CSMD1: variants seen among roughly 807,000 people sequenced by gnomAD.
CSMD1 encodes the protein CUB and sushi domain-containing protein 1.
Under a neutral mutation model 417.5 loss-of-function variants are expected in CSMD1, and 213 were observed. The ratio of observed to expected loss-of-function variants is 0.51; its 90% CI spans 0.46 to 0.57. The LOEUF is 0.57. CSMD1 is among the 20% of genes least tolerant of loss of function. The probability of loss-of-function intolerance (pLI) is 0.00; values close to 1 mark genes in which losing one functional copy is unlikely to be tolerated. For missense variants in CSMD1, 6,923 were observed against 4,529.7 expected, an observed-to-expected ratio of 1.53 and a Z score of -15.17; for synonymous variants, 2,862 against 1,736.8, an observed-to-expected ratio of 1.65 and a Z score of -16.11.
At chr8:4,484,921 C>T (rs746642437) in intron 2 of CSMD1, among the ~76,000 whole-genome samples, 9 of 130,900 alleles carry the variant, frequency 6.9e-5, no homozygotes, top group Admixed American at 4.8e-4. Context: ...TGCAGTGAGC[C>T]GAGATCGTGC....
chr8:3,682,633 GT>G (rs1563268585), intron 7 of CSMD1, among the ~76,000 whole-genome samples: 1 of 152,152 alleles, frequency 6.6e-6, no homozygotes, highest in African/African-American at 2.4e-5. Flanking sequence ...AGACAGTGTG[GT>G]GATTCCTCAG....
At chr8:4,087,398 T>C (rs1800475587) in intron 3 of CSMD1, among the ~76,000 whole-genome samples, 1 of 152,246 alleles carries the variant, frequency 6.6e-6, no homozygotes, top group Non-Finnish European at 1.5e-5. Flanking sequence ...ATAGCTGTTC[T>C]TGCATTTTGA....
At chr8:4,572,340 T>A (rs1321028819) in intron 2 of CSMD1, among the ~76,000 whole-genome samples, 1 of 152,210 alleles carries the variant, frequency 6.6e-6, no homozygotes, top group African/African-American at 2.4e-5. Context: ...AGAATTTGCT[T>A]TTCTATGGAG....
At chr8:3,428,405 A>G (rs1386819264) in intron 12 of CSMD1, among the ~76,000 whole-genome samples, 1 of 152,216 alleles carries the variant, frequency 6.6e-6, no homozygotes, top group Non-Finnish European at 1.5e-5. Flanking sequence ...GCTGGGCTTT[A>G]AAGAAATGGC....
intron 5 of CSMD1, among the ~76,000 whole-genome samples, chr8:3,861,924 G>A (rs1264981418): frequency 6.6e-6 from 1 of 152,040 alleles, no homozygotes; most frequent in African/African-American, 2.4e-5. Context: ...GGATTTCCTT[G>A]CTCCTGGAAA....
At chr8:3,848,163 G>T (rs1181724354) in intron 5 of CSMD1, among the ~76,000 whole-genome samples, 1 of 151,970 alleles carries the variant, frequency 6.6e-6, no homozygotes, top group Non-Finnish European at 1.5e-5. Flanking sequence ...TGGATGAGAA[G>T]TTGGCATTTT....
chr8:3,399,321 G>C (rs1054709589), intron 16 of CSMD1, 70 bp downstream of exon 16: 2 of 1,394,948 alleles, frequency 1.4e-6, no homozygotes, highest in East Asian at 2.4e-5. Context: ...TAAAGTTTAA[G>C]ATCCATTTAC....
intron 4 of CSMD1, among the ~76,000 whole-genome samples, chr8:4,016,215 T>G (rs1757182329): frequency 6.6e-6 from 1 of 152,144 alleles, no homozygotes; most frequent in Non-Finnish European, 1.5e-5. Flanking sequence ...AGTAAAATAT[T>G]TAGTCATGTG....
chr8:4,324,279 A>G (rs1004164141), intron 3 of CSMD1, among the ~76,000 whole-genome samples: 8 of 152,292 alleles, frequency 5.3e-5, no homozygotes, highest in Non-Finnish European at 8.8e-5. Context: ...CCTCTTCCTC[A>G]TCACTAACTG....
chr8:3,848,628 G>T (rs2954219), intron 5 of CSMD1, among the ~76,000 whole-genome samples: 25,950 of 152,062 alleles, frequency 0.17, 2,439 homozygotes, highest in East Asian at 0.4. Flanking sequence ...AAAGTGCAGA[G>T]AATAGATGGA....
rs559927042 is a variant in CSMD1, at chr8:4,046,768, T to C, written c.416-14669A>G. On this transcript the variant is annotated intron_variant, in intron 3 of 69. Transcript: ENST00000635120. ...TTTCCCCCATAACACACACACATATTGTAATTAATGCACAGCCTGGGGAGC... is the reference window on the plus strand; with the variant it reads ...TTTCCCCCATAACACACACACATATCGTAATTAATGCACAGCCTGGGGAGC... 2.0e-5 allele frequency among the ~76,000 whole-genome samples: 3 copies of C among 152,320 alleles called. No homozygotes were observed. In the South Asian group the frequency reaches 6.2e-4, roughly 32 times the overall value.
At chr8:3,861,658 C>A (rs1014415489) in intron 5 of CSMD1, among the ~76,000 whole-genome samples, 1 of 152,120 alleles carries the variant, frequency 6.6e-6, no homozygotes, top group Admixed American at 6.6e-5. Context: ...ATATGGCTCT[C>A]CTGTTATTGG....
chr8:3,987,279 G>A (rs1029357836), intron 5 of CSMD1, among the ~76,000 whole-genome samples: 24 of 152,128 alleles, frequency 1.6e-4, no homozygotes, highest in African/African-American at 5.1e-4. Context: ...CAGTGTTTCT[G>A]TAACATGTTC....
At chr8:3,044,617 CA>C (rs1811315923) in intron 50 of CSMD1, among the ~76,000 whole-genome samples, 1 of 151,706 alleles carries the variant, frequency 6.6e-6, no homozygotes, top group Non-Finnish European at 1.5e-5. Context: ...AATCCAGTCT[CA>C]GTAAATAACT....
intron 1 of CSMD1, among the ~76,000 whole-genome samples, chr8:4,979,242 G>C (rs1217194414): frequency 6.6e-6 from 1 of 152,088 alleles, no homozygotes; most frequent in Non-Finnish European, 1.5e-5. Context: ...TAATAAAATA[G>C]CTGCTCACAT....
At chr8:3,776,119 T>TC (rs1169889007) in intron 5 of CSMD1, among the ~76,000 whole-genome samples, 2 of 152,010 alleles carry the variant, frequency 1.3e-5, no homozygotes, top group African/African-American at 4.8e-5. Flanking sequence ...CTTCCTTCCT[T>TC]CTTCTTACCT....
rs367651638 is a variant in CSMD1, at chr8:4,246,330, A to T, written c.415+173623T>A. ...AGCATATTGGCCTCCACCTCCATCC[A>T]CGTCCTTGCAAAGGACACGGTCAGT... On this transcript the variant is annotated intron_variant, in intron 3 of 69. Transcript: ENST00000635120. Among the ~76,000 whole-genome samples the T allele has an allele frequency of 1.1e-3, 169 of 152,236 alleles. 4 individuals carry two copies. In the South Asian group the frequency reaches 0.034, roughly 31 times the overall value.
chr8:4,577,714 C>T (rs1291667919), intron 2 of CSMD1, among the ~76,000 whole-genome samples: 1 of 152,152 alleles, frequency 6.6e-6, no homozygotes, highest in Non-Finnish European at 1.5e-5. Context: ...GCCCTTGCAC[C>T]CTAACACAGT....
chr8:4,750,148 G>C (rs962433455), intron 1 of CSMD1, among the ~76,000 whole-genome samples: 1 of 152,122 alleles, frequency 6.6e-6, no homozygotes, highest in Non-Finnish European at 1.5e-5. Context: ...TGGGACTACA[G>C]GCGCCCGCCA....
Sources: gnomAD v4.1 joint callset for allele counts (sites outside exome capture counted in the v4.1 genomes callset) on GRCh38, gnomAD v4.1.1 for gene constraint, MANE v1.5 for transcripts, NCBI Gene and HGNC (gene_info 2026-07-23, HGNC 2026-07-21) for gene names.